WWOX: variants seen among roughly 807,000 people sequenced by gnomAD.
The protein encoded by WWOX is WW domain-containing oxidoreductase.
In WWOX, 69 loss-of-function variants were observed where a neutral mutation model predicts 46.2. The observed-to-expected ratio is 1.49, with a 90% confidence interval of 1.23 to 1.82. The LOEUF is 1.82. WWOX is among the 40% of genes most tolerant of loss of function. The pLI, the probability that WWOX is intolerant of heterozygous loss-of-function variation, is 0.00. For synonymous variants in WWOX, 359 were observed against 202.6 expected, an observed-to-expected ratio of 1.77 and a Z score of -6.56; for missense variants, 919 against 542.6, an observed-to-expected ratio of 1.69 and a Z score of -6.89.
At chr16:78,322,218 A>C (rs1959222440) in intron 5 of WWOX, among the ~76,000 whole-genome samples, 1 of 152,088 alleles carries the variant, frequency 6.6e-6, no homozygotes, top group South Asian at 2.1e-4. Context: ...ATCCATCTGG[A>C]TTTTGTTAAT....
intron 8 of WWOX, among the ~76,000 whole-genome samples, chr16:78,750,219 T>C (rs1400218071): frequency 6.6e-6 from 1 of 152,160 alleles, no homozygotes; most frequent in Non-Finnish European, 1.5e-5. Flanking sequence ...AAAAACCCAC[T>C]GCCCAGGTCA....
chr16:78,808,137 C>A (rs368035074), intron 8 of WWOX, among the ~76,000 whole-genome samples: 10 of 152,178 alleles, frequency 6.6e-5, no homozygotes, highest in East Asian at 5.8e-4. Context: ...TAGTCAACCC[C>A]ACTCCTCAAT....
In WWOX at chr16:78,605,957, C is replaced by A. The variant is rs76881469; in HGVS notation, c.1056+173205C>A. Among the ~76,000 whole-genome samples, 850 of 152,338 alleles carry A rather than the reference C, an allele frequency of 5.6e-3. 7 individuals carry two copies. The highest frequency in any genetic ancestry group is 0.02 in the African/African-American group (816 of 41,578). Reference sequence around the variant, plus strand: ...TGCGCATTTGTAATAGACTCAGCATCTGAATTGAATGGGCAGCTTTGGCTG... The same window carrying A: ...TGCGCATTTGTAATAGACTCAGCATATGAATTGAATGGGCAGCTTTGGCTG... On this transcript the variant is annotated intron_variant, in intron 8 of 8. Coordinates refer to ENST00000566780, the MANE Select transcript of WWOX (RefSeq NM_016373.4).
At chr16:79,195,701 G>A (rs983898330) in intron 8 of WWOX, among the ~76,000 whole-genome samples, 1 of 152,234 alleles carries the variant, frequency 6.6e-6, no homozygotes, top group Non-Finnish European at 1.5e-5. Context: ...CTAGCTCCTT[G>A]TGAAGGAATG....
intron 8 of WWOX, among the ~76,000 whole-genome samples, chr16:78,782,060 T>C (rs1295022107): frequency 6.6e-6 from 1 of 152,158 alleles, no homozygotes; most frequent in Non-Finnish European, 1.5e-5. Context: ...TTTGGAAGGG[T>C]AGGTGGCGGC....
intron 5 of WWOX, among the ~76,000 whole-genome samples, chr16:78,171,499 G>A (rs1188216722): frequency 6.6e-6 from 1 of 152,062 alleles, no homozygotes; most frequent in African/African-American, 2.4e-5. Flanking sequence ...TATGTGGGGC[G>A]GGTAAAATAC....
At chr16:78,819,117 C>T (rs975264083) in intron 8 of WWOX, among the ~76,000 whole-genome samples, 2 of 152,230 alleles carry the variant, frequency 1.3e-5, no homozygotes, top group Admixed American at 1.3e-4. Flanking sequence ...GTTCACTCTT[C>T]TGCACTCTTT....
chr16:79,043,325 A>G (rs549439479), intron 8 of WWOX, among the ~76,000 whole-genome samples: 2 of 152,168 alleles, frequency 1.3e-5, no homozygotes, highest in South Asian at 2.1e-4. Context: ...AATTAGGATT[A>G]AAAAAATGGT....
At chr16:78,629,402 C>G (rs1209681194) in intron 8 of WWOX, among the ~76,000 whole-genome samples, 3 of 152,186 alleles carry the variant, frequency 2.0e-5, no homozygotes, top group African/African-American at 4.8e-5. Context: ...ACTGGCATCT[C>G]TGCTTCCCCT....
At chr16:78,593,815 G>A (rs2045409586) in intron 8 of WWOX, among the ~76,000 whole-genome samples, 1 of 152,060 alleles carries the variant, frequency 6.6e-6, no homozygotes, top group Non-Finnish European at 1.5e-5. Context: ...GAGCTAGCAT[G>A]ATTGCAAGCT....
intron 4 of WWOX, among the ~76,000 whole-genome samples, chr16:78,139,192 A>C (rs190103901): frequency 2.0e-5 from 3 of 152,218 alleles, no homozygotes; most frequent in Non-Finnish European, 4.4e-5. Context: ...TAGTTCTCTC[A>C]GTAGCTATCT....
At chr16:78,756,389 A>C (rs2049647512) in intron 8 of WWOX, among the ~76,000 whole-genome samples, 1 of 152,066 alleles carries the variant, frequency 6.6e-6, no homozygotes, top group Non-Finnish European at 1.5e-5. Context: ...ATAGGACAGA[A>C]CTCCAGAGGA....
intron 5 of WWOX, among the ~76,000 whole-genome samples, chr16:78,364,896 C>G (rs970896520): frequency 4.0e-5 from 6 of 150,932 alleles, no homozygotes; most frequent in African/African-American, 1.5e-4. Context: ...TTGTCTTTAT[C>G]CCATTCTGTC....
At chr16:79,193,733 G>C (rs986881590) in intron 8 of WWOX, among the ~76,000 whole-genome samples, 1 of 152,138 alleles carries the variant, frequency 6.6e-6, no homozygotes, top group East Asian at 1.9e-4. Flanking sequence ...TCCCCACTTG[G>C]GCAAAAACAA....
intron 8 of WWOX, among the ~76,000 whole-genome samples, chr16:78,465,676 G>A (rs1396500120): frequency 6.6e-6 from 1 of 152,180 alleles, no homozygotes; most frequent in Admixed American, 6.5e-5. Context: ...CCTTGTAAAT[G>A]TTCCTTGGTA....
intron 8 of WWOX, among the ~76,000 whole-genome samples, chr16:78,519,792 C>T (rs1368870501): frequency 1.3e-5 from 2 of 152,098 alleles, no homozygotes; most frequent in Admixed American, 6.6e-5. Flanking sequence ...TGGACCCTTA[C>T]CCAACACCAC....
chr16:78,808,986 A>T (rs2051116438), intron 8 of WWOX, among the ~76,000 whole-genome samples: 2 of 152,022 alleles, frequency 1.3e-5, no homozygotes, highest in African/African-American at 4.8e-5. Context: ...AATTCTCAGG[A>T]CCTGATGAAT....
chr16:78,483,380 T>A (rs2084545175), intron 8 of WWOX, among the ~76,000 whole-genome samples: 1 of 152,020 alleles, frequency 6.6e-6, no homozygotes, highest in Non-Finnish European at 1.5e-5. Flanking sequence ...GGAAGATTTT[T>A]TTTTTTTTTA....
At chr16:78,312,194 A>C (rs544369778) in intron 5 of WWOX, among the ~76,000 whole-genome samples, 2 of 152,246 alleles carry the variant, frequency 1.3e-5, no homozygotes, top group Admixed American at 1.3e-4. Flanking sequence ...TAGCAAACCT[A>C]ATTCTATCTG....
Sources: allele counts gnomAD v4.1 joint callset (sites outside exome capture counted in the v4.1 genomes callset), GRCh38; gene constraint gnomAD v4.1.1; transcripts MANE v1.5; gene names NCBI Gene and HGNC (gene_info 2026-07-23, HGNC 2026-07-21).